The following NPAS2 variants were observed in gnomAD, a reference collection of about 807,000 sequenced individuals.
NPAS2 encodes neuronal PAS domain protein 2.
Under a neutral mutation model 107.5 loss-of-function variants are expected in NPAS2, and 23 were observed. The ratio of observed to expected loss-of-function variants is 0.21; its 90% CI spans 0.15 to 0.30. The LOEUF (loss-of-function observed/expected upper bound fraction) is 0.30, where lower values mean the gene tolerates loss of function less well. Among genes scored for constraint, NPAS2 ranks in the 10% least tolerant of loss-of-function variants. The pLI, the probability that NPAS2 is intolerant of heterozygous loss-of-function variation, is 1.00. For missense variants in NPAS2, 756 were observed against 1,043.3 expected, an observed-to-expected ratio of 0.72 and a Z score of 3.79; for synonymous variants, 403 against 417.5, an observed-to-expected ratio of 0.97 and a Z score of 0.42.
In NPAS2 at chr2:100,911,368, T is replaced by C. The variant is rs76243671; in HGVS notation, c.32+6582T>C. Among the ~76,000 whole-genome samples the C allele has an allele frequency of 4.5e-4, 68 of 152,334 alleles. No homozygotes were observed. The East Asian group carries it at 0.013, about 28-fold the overall frequency. The stretch of plus-strand genomic sequence containing the variant: ...CATTATAATTATACATTTTCTTATA[T>C]ATAAAAAATTCCAAAACAACATTTG... On this transcript the variant is annotated intron_variant, in intron 2 of 20. Transcript: ENST00000335681.
intron 7 of NPAS2, among the ~76,000 whole-genome samples, chr2:100,954,273 G>A (rs10191450): frequency 0.34 from 51,770 of 151,992 alleles, 9,081 homozygotes; most frequent in Middle Eastern, 0.5. Context: ...TACCTGGAAG[G>A]TGAGTTGTTT....
intron 1 of NPAS2, among the ~76,000 whole-genome samples, chr2:100,876,067 T>C (rs1262922440): frequency 6.6e-6 from 1 of 152,224 alleles, no homozygotes; most frequent in Non-Finnish European, 1.5e-5. Flanking sequence ...TTCTCTACCT[T>C]TACCACTCTA....
chr2:100,971,166 A>G (rs1676524837), intron 12 of NPAS2, 92 bp downstream of exon 12: 6 of 1,217,538 alleles, frequency 4.9e-6, no homozygotes, highest in Admixed American at 3.7e-5. Context: ...TCTTTTCATC[A>G]ATGGAAGGGT....
At chr2:100,904,389 TC>T (rs1029982553) in intron 1 of NPAS2, among the ~76,000 whole-genome samples, 12 of 152,214 alleles carry the variant, frequency 7.9e-5, no homozygotes, top group Admixed American at 1.3e-4. Flanking sequence ...TATAATTAAC[TC>T]GTTATTTGCT....
chr2:100,971,720 G>A (rs972776476), intron 12 of NPAS2, among the ~76,000 whole-genome samples: 4 of 151,950 alleles, frequency 2.6e-5, no homozygotes, highest in East Asian at 1.9e-4. Context: ...CCCTCTACTC[G>A]CCTCTGCCTA....
At chr2:100,925,356 C>T (rs1219044916) in intron 3 of NPAS2, 62 bp downstream of exon 3, 4 of 1,567,350 alleles carry the variant, frequency 2.6e-6, no homozygotes, top group Non-Finnish European at 3.5e-6. Context: ...GTGATGACTT[C>T]ACCAATCTGG....
chr2:100,904,855 G>A (rs577870907), intron 2 of NPAS2, 69 bp downstream of exon 2: 157 of 1,181,094 alleles, frequency 1.3e-4, no homozygotes, highest in Non-Finnish European at 1.7e-4. Flanking sequence ...GCAGAATCTC[G>A]CTGGCTTTCA....
chr2:100,903,342 A>G (rs1681914342), intron 1 of NPAS2, among the ~76,000 whole-genome samples: 1 of 152,218 alleles, frequency 6.6e-6, no homozygotes, highest in African/African-American at 2.4e-5. Flanking sequence ...CGCTGACTCA[A>G]TTGTAATACA....
intron 1 of NPAS2, among the ~76,000 whole-genome samples, chr2:100,873,299 TATATATATAC>T (rs1258110372): frequency 0.028 from 1,249 of 44,902 alleles, 35 homozygotes; most frequent in African/African-American, 0.086. Context: ...TATATATATA[TATATATATAC>T]ACACACACAC....
At chr2:100,993,255 C>T in intron 19 of NPAS2, 92 bp from the exon 20 acceptor site, 1 of 1,297,018 alleles carries the variant, frequency 7.7e-7, no homozygotes, top group Non-Finnish European at 1.1e-6. Flanking sequence ...TGAAGTCCAA[C>T]TTATTTGTTT....
intron 13 of NPAS2, chr2:100,975,185 C>G (rs2105230590): frequency 1.7e-6 from 1 of 576,442 alleles, no homozygotes; most frequent in South Asian, 2.3e-5. Context: ...GATCTGATCC[C>G]TTGACTGCTT....
chr2:100,904,832 G>A (rs372309072), intron 2 of NPAS2, 46 bp downstream of exon 2: 61 of 1,443,114 alleles, frequency 4.2e-5, no homozygotes, highest in East Asian at 2.5e-4. Context: ...TCTGGCCCCC[G>A]GGGGTCTGCC....
At chr2:100,987,941 C>A in intron 16 of NPAS2, 138 bp from the exon 17 acceptor site, 1 of 904,118 alleles carries the variant, frequency 1.1e-6, no homozygotes, top group Non-Finnish European at 1.8e-6. Flanking sequence ...TGCTCCATGT[C>A]CACCAGTGGA....
intron 3 of NPAS2, among the ~76,000 whole-genome samples, chr2:100,931,150 T>C (rs1202424659): frequency 6.6e-6 from 1 of 152,172 alleles, no homozygotes. Flanking sequence ...ACCATGTGCA[T>C]ATGAGGCCCG....
In NPAS2 at chr2:100,964,864, A is replaced by C; in HGVS notation, c.721A>C (p.Met241Leu). Residue 241 changes from methionine to leucine, a missense_variant, in exon 9 of 21, where the codon ATG (methionine) becomes CTG (leucine). Around this residue, in one of 4 missense-constraint regions of NPAS2, gnomAD observed 84 missense variants for 175.5 expected, o/e 0.48. Transcript: ENST00000335681. ...RLATPQFLKE[M>L]CIVDEPLEEF... is the part of the protein sequence containing the mutation. ...TTTTTTTCTGCTTCCAATACAGGAAATGTGCATAGTTGACGAACCTTTAGA... is the reference window on the plus strand; with the variant it reads ...TTTTTTTCTGCTTCCAATACAGGAACTGTGCATAGTTGACGAACCTTTAGA... 6.3e-7 allele frequency: 1 copy of C among 1,577,164 alleles called. No homozygotes were observed. Among genetic ancestry groups the C allele is most frequent in the African/African-American group, 1.4e-5 (1 of 72,122 alleles).
chr2:100,935,194 C>T, intron 4 of NPAS2: 3 of 635,874 alleles, frequency 4.7e-6, no homozygotes, highest in Non-Finnish European at 5.9e-6. Flanking sequence ...TCAAAAGGAG[C>T]CAAAGTGCCT....
chr2:100,829,186 G>GT (rs61069926), intron 1 of NPAS2, among the ~76,000 whole-genome samples: 1,887 of 140,468 alleles, frequency 0.013, 18 homozygotes, highest in Middle Eastern at 0.035. Flanking sequence ...GTGTTTTGTT[G>GT]TTTTTTTTTT....
intron 5 of NPAS2, among the ~76,000 whole-genome samples, chr2:100,940,395 C>T (rs1381248722): frequency 1.3e-5 from 2 of 152,252 alleles, no homozygotes; most frequent in Admixed American, 1.3e-4. Flanking sequence ...TTAAATATCA[C>T]TCCTTGTGAG....
intron 2 of NPAS2, among the ~76,000 whole-genome samples, chr2:100,913,104 G>A (rs560843180): frequency 1.3e-5 from 2 of 152,218 alleles, no homozygotes; most frequent in Admixed American, 6.5e-5. Flanking sequence ...TCAGCTCCCG[G>A]TGGGAATTGG....
Sources: allele counts gnomAD v4.1 joint callset (sites outside exome capture counted in the v4.1 genomes callset), GRCh38; gene constraint gnomAD v4.1.1; regional missense constraint gnomAD v4.1.1; transcripts MANE v1.5; gene names NCBI Gene and HGNC (gene_info 2026-07-23, HGNC 2026-07-21).